Variants in ADAM10 observed in about 807,000 individuals in gnomAD.
The protein encoded by ADAM10 is ADAM metallopeptidase domain 10.
Under a neutral mutation model 90.1 loss-of-function variants are expected in ADAM10, and 17 were observed. The observed-to-expected ratio is 0.19, with a 90% CI of 0.13 to 0.28. ADAM10 has a LOEUF of 0.28. Among genes scored for constraint, ADAM10 ranks in the 10% least tolerant of loss-of-function variants. The pLI, the probability that ADAM10 is intolerant of heterozygous loss-of-function variation, is 1.00. For missense variants in ADAM10, 610 were observed against 914.3 expected (o/e 0.67, Z 4.29); for synonymous variants, 310 against 298.6 (o/e 1.04, Z -0.40).
At chr15:58,635,211 C>T (rs1385579121) in intron 8 of ADAM10, among the ~76,000 whole-genome samples, 1 of 135,494 alleles carries the variant, frequency 7.4e-6, no homozygotes, top group East Asian at 2.3e-4. Flanking sequence ...GGAAGTGGAG[C>T]TTGCAGTGAG....
At chr15:58,687,117 T>G (rs1417204675) in intron 2 of ADAM10, among the ~76,000 whole-genome samples, 12 of 152,364 alleles carry the variant, frequency 7.9e-5, no homozygotes, top group African/African-American at 2.2e-4. Flanking sequence ...AAGTACAAAT[T>G]GCTGGGAGGA....
chr15:58,608,111 A>G (rs1387251952), intron 14 of ADAM10, among the ~76,000 whole-genome samples: 2 of 152,232 alleles, frequency 1.3e-5, no homozygotes, highest in Admixed American at 6.5e-5. Context: ...TTGTCAACAC[A>G]GAAAAGAAAG....
At chr15:58,655,673 C>CATATATATACT (rs1376201638) in intron 5 of ADAM10, among the ~76,000 whole-genome samples, 1 of 81,046 alleles carries the variant, frequency 1.2e-5, no homozygotes, top group African/African-American at 7.0e-5. Flanking sequence ...TACATACATA[C>CATATATATACT]ATACATATAT....
intron 2 of ADAM10, among the ~76,000 whole-genome samples, chr15:58,706,773 G>C (rs1167909194): frequency 2.0e-5 from 3 of 152,154 alleles, no homozygotes; most frequent in Non-Finnish European, 4.4e-5. Context: ...AACTTTGGGA[G>C]GCCAAGGCAG....
In ADAM10 at chr15:58,616,973, G is replaced by A. The variant is rs530742059; in HGVS notation, c.1511+4498C>T. On this transcript the variant is annotated intron_variant, in intron 11 of 15. Transcript: ENST00000260408. ...AACACAAAAAAATTAGCCAGGCGTG[G>A]TGGCAGGTACCTGTAGTCCCAGCTA... Among the ~76,000 whole-genome samples the A allele has an allele frequency of 2.6e-5, 4 of 152,234 alleles. No individual in the cohort carries two copies. The East Asian group carries it at 7.7e-4, about 29-fold the overall frequency.
At chr15:58,601,454 C>G (rs1398396138) in intron 14 of ADAM10, among the ~76,000 whole-genome samples, 1 of 152,022 alleles carries the variant, frequency 6.6e-6, no homozygotes, top group African/African-American at 2.4e-5. Context: ...GAGTGAGACT[C>G]CACCTCAAAT....
At chr15:58,706,146 T>C (rs1898280528) in intron 2 of ADAM10, among the ~76,000 whole-genome samples, 1 of 152,098 alleles carries the variant, frequency 6.6e-6, no homozygotes, top group African/African-American at 2.4e-5. Context: ...GAAAACAAAA[T>C]ACAGGGTGCA....
intron 11 of ADAM10, among the ~76,000 whole-genome samples, chr15:58,616,980 G>A (rs1163460042): frequency 1.3e-5 from 2 of 152,002 alleles, no homozygotes; most frequent in South Asian, 2.1e-4. Flanking sequence ...GTGGTGGCAG[G>A]TACCTGTAGT....
chr15:58,619,722 G>C (rs1368182823), intron 11 of ADAM10, among the ~76,000 whole-genome samples: 1 of 152,032 alleles, frequency 6.6e-6, no homozygotes, highest in African/African-American at 2.4e-5. Flanking sequence ...GGCTAACAAG[G>C]TGAAAGCCCA....
At chr15:58,598,597 A>G (rs1895022303) in intron 15 of ADAM10, among the ~76,000 whole-genome samples, 1 of 152,202 alleles carries the variant, frequency 6.6e-6, no homozygotes, top group Non-Finnish European at 1.5e-5. Flanking sequence ...AAGACATCTT[A>G]TGAGAAGTCT....
intron 1 of ADAM10, among the ~76,000 whole-genome samples, chr15:58,724,237 T>C (rs368748802): frequency 2.0e-5 from 3 of 152,164 alleles, no homozygotes; most frequent in South Asian, 2.1e-4. Context: ...ATTGTTATTA[T>C]AAGGAGAAGG....
At chr15:58,684,981 T>C (rs556065510) in intron 2 of ADAM10, among the ~76,000 whole-genome samples, 1 of 152,236 alleles carries the variant, frequency 6.6e-6, no homozygotes, top group East Asian at 1.9e-4. Context: ...CCCAGAAAGA[T>C]TATTCACCTT....
chr15:58,616,361 A>G (rs184321337), intron 11 of ADAM10, among the ~76,000 whole-genome samples: 115 of 152,382 alleles, frequency 7.5e-4, no homozygotes, highest in African/African-American at 2.6e-3. Flanking sequence ...AACATTCTCC[A>G]GGATAGACCA....
rs893471901 is a variant in ADAM10, at chr15:58,592,260, T to C, written c.*5287A>G. ...GATTATTGTCTAGATCCATAAATTG[T>C]TGGGGGGGTAAAATGGTGATATCCT... On this transcript the variant is annotated 3_prime_UTR_variant, in exon 16 of 16. Transcript: ENST00000260408. 2 of 150,394 alleles carry C rather than the reference T, an allele frequency of 1.3e-5. No individual in the cohort carries two copies. Among genetic ancestry groups the C allele is most frequent in the Non-Finnish European group, 3.0e-5 (2 of 67,094 alleles). 9.3% of individuals were successfully genotyped at this position (150,394 alleles called of 1,614,324 possible). A position where few individuals can be genotyped will look rare whatever the true frequency, so the allele number is the denominator to read the frequency against.
chr15:58,674,877 G>A (rs951045504), intron 4 of ADAM10, among the ~76,000 whole-genome samples: 3 of 152,214 alleles, frequency 2.0e-5, no homozygotes, highest in African/African-American at 7.2e-5. Context: ...AAGTAGGGGT[G>A]CCCTACTACT....
At chr15:58,613,986 G>A (rs1895527769) in intron 11 of ADAM10, among the ~76,000 whole-genome samples, 1 of 152,056 alleles carries the variant, frequency 6.6e-6, no homozygotes, top group Admixed American at 6.5e-5. Context: ...AGCTACAGAA[G>A]GAGAAGAGAT....
chr15:58,675,215 C>G (rs1190084321), intron 4 of ADAM10, among the ~76,000 whole-genome samples: 3 of 152,100 alleles, frequency 2.0e-5, no homozygotes, highest in Non-Finnish European at 4.4e-5. Flanking sequence ...CTGGGCTTTT[C>G]TATACCCCAC....
chr15:58,744,449 C>G (rs929761699), intron 1 of ADAM10, among the ~76,000 whole-genome samples: 1 of 152,062 alleles, frequency 6.6e-6, no homozygotes, highest in East Asian at 1.9e-4. Flanking sequence ...GCAAAGAAAC[C>G]TAACCAAAAA....
At chr15:58,692,141 T>C (rs1224338623) in intron 2 of ADAM10, 6 of 518,438 alleles carry the variant, frequency 1.2e-5, no homozygotes, top group African/African-American at 1.9e-5. Context: ...CCACACATGA[T>C]GGACACAGAG....
Sources: allele counts gnomAD v4.1 joint callset (sites outside exome capture counted in the v4.1 genomes callset), GRCh38; gene constraint gnomAD v4.1.1; transcripts MANE v1.5; gene names NCBI Gene and HGNC (gene_info 2026-07-23, HGNC 2026-07-21).